The following CCSER1 variants were observed in gnomAD, a reference collection of about 807,000 sequenced individuals.
The protein encoded by CCSER1 is coiled-coil serine rich protein 1.
In CCSER1, 41 loss-of-function variants were observed where a neutral mutation model predicts 82.0. That is an observed-to-expected ratio of 0.50 (90% CI 0.39 to 0.65). CCSER1 has a LOEUF of 0.65. Among genes scored for constraint, CCSER1 ranks in the 30% least tolerant of loss-of-function variants. The probability of loss-of-function intolerance (pLI) is 0.00; values close to 1 mark genes in which losing one functional copy is unlikely to be tolerated. For missense variants in CCSER1, 1,119 were observed against 1,064.2 expected, an observed-to-expected ratio of 1.05 and a Z score of -0.72; for synonymous variants, 414 against 383.9, an observed-to-expected ratio of 1.08 and a Z score of -0.92.
At chr4:90,961,391 A>G (rs1386311877) in intron 9 of CCSER1, among the ~76,000 whole-genome samples, 5 of 152,174 alleles carry the variant, frequency 3.3e-5, no homozygotes, top group Admixed American at 3.3e-4. Context: ...CAACCATTAG[A>G]TCACCTGATC....
chr4:91,326,209 G>T (rs1178994610), intron 10 of CCSER1, among the ~76,000 whole-genome samples: 1 of 152,094 alleles, frequency 6.6e-6, no homozygotes, highest in African/African-American at 2.4e-5. Flanking sequence ...TTGCTATAAA[G>T]AACTACCCGA....
rs1490914354 is a variant in CCSER1, at chr4:91,069,802, G to A, written c.2173-16148G>A. On this transcript the variant is annotated intron_variant, in intron 9 of 10. Coordinates refer to ENST00000509176, the MANE Select transcript of CCSER1 (RefSeq NM_001145065.2). ...ATAACCCTATGACCTTGGGAAGGTTGTGGGGAGAGATCATTAAAAGAAGGG... is the reference window on the plus strand; with the variant it reads ...ATAACCCTATGACCTTGGGAAGGTTATGGGGAGAGATCATTAAAAGAAGGG... Among the ~76,000 whole-genome samples the A allele has an allele frequency of 3.9e-5, 6 of 152,260 alleles. No individual in the cohort carries two copies. The East Asian group carries it at 1.2e-3, about 29-fold the overall frequency.
intron 5 of CCSER1, among the ~76,000 whole-genome samples, chr4:90,573,257 C>T (rs562584888): frequency 2.0e-5 from 3 of 152,338 alleles, no homozygotes; most frequent in South Asian, 2.1e-4. Flanking sequence ...TGCCAGAAGC[C>T]GTGGCCTGTT....
chr4:91,005,883 A>T (rs1464896815), intron 9 of CCSER1, among the ~76,000 whole-genome samples: 1 of 152,124 alleles, frequency 6.6e-6, no homozygotes, highest in African/African-American at 2.4e-5. Flanking sequence ...TTGGCTGTAG[A>T]TGTATGGATT....
intron 5 of CCSER1, among the ~76,000 whole-genome samples, chr4:90,601,911 C>G (rs941330798): frequency 6.6e-6 from 1 of 152,002 alleles, no homozygotes; most frequent in Non-Finnish European, 1.5e-5. Context: ...GGTCAGAGAA[C>G]CTACTTTGTA....
At chr4:91,163,596 T>C (rs969581028) in intron 10 of CCSER1, among the ~76,000 whole-genome samples, 6 of 152,196 alleles carry the variant, frequency 3.9e-5, no homozygotes, top group Non-Finnish European at 5.9e-5. Context: ...AAGGACTTGG[T>C]TTATGAATCT....
chr4:90,193,524 T>C (rs915647239), intron 1 of CCSER1, among the ~76,000 whole-genome samples: 20 of 152,014 alleles, frequency 1.3e-4, no homozygotes, highest in Admixed American at 1.2e-3. Context: ...CTTGGGAAAC[T>C]GTACAATTAT....
At chr4:91,466,225 TC>T (rs1756896801) in intron 10 of CCSER1, among the ~76,000 whole-genome samples, 1 of 151,982 alleles carries the variant, frequency 6.6e-6, no homozygotes, top group African/African-American at 2.4e-5. Context: ...ACGTAATCCA[TC>T]ATATAAACAG....
intron 1 of CCSER1, among the ~76,000 whole-genome samples, chr4:90,156,395 C>T (rs548136004): frequency 3.9e-5 from 6 of 152,152 alleles, no homozygotes; most frequent in South Asian, 2.1e-4. Flanking sequence ...AGGTCCACTT[C>T]GTGCAGAGCT....
At chr4:90,745,039 A>G (rs540444304) in intron 7 of CCSER1, among the ~76,000 whole-genome samples, 2 of 152,104 alleles carry the variant, frequency 1.3e-5, no homozygotes, top group East Asian at 3.9e-4. Context: ...AATGACCACA[A>G]ACTCGGTGGC....
At chr4:91,393,057 G>A (rs1751760186) in intron 10 of CCSER1, among the ~76,000 whole-genome samples, 1 of 151,862 alleles carries the variant, frequency 6.6e-6, no homozygotes, top group Admixed American at 6.6e-5. Flanking sequence ...AATAGATAAT[G>A]GACAATTTTC....
At chr4:90,611,059 C>CTTTTCTTTTTTT (rs1303751301) in intron 5 of CCSER1, among the ~76,000 whole-genome samples, 3 of 93,822 alleles carry the variant, frequency 3.2e-5, no homozygotes, top group Non-Finnish European at 5.6e-5. Flanking sequence ...CTTTTCTTTT[C>CTTTTCTTTTTTT]TTTTTTTTTT....
chr4:90,229,049 AG>A (rs1322546575), intron 1 of CCSER1, among the ~76,000 whole-genome samples: 1 of 152,228 alleles, frequency 6.6e-6, no homozygotes, highest in Non-Finnish European at 1.5e-5. Context: ...AACACTCTGC[AG>A]GATGTCATCC....
chr4:90,384,759 T>C (rs1167572575), intron 3 of CCSER1, among the ~76,000 whole-genome samples: 1 of 152,160 alleles, frequency 6.6e-6, no homozygotes, highest in Non-Finnish European at 1.5e-5. Flanking sequence ...TCAATAGATT[T>C]GGGGGTGCAG....
intron 10 of CCSER1, among the ~76,000 whole-genome samples, chr4:91,234,357 T>G (rs1397205301): frequency 6.6e-6 from 1 of 152,084 alleles, no homozygotes; most frequent in Non-Finnish European, 1.5e-5. Context: ...TTTCCCCTTC[T>G]TATTCCACCA....
intron 9 of CCSER1, among the ~76,000 whole-genome samples, chr4:91,081,496 T>C (rs141058814): frequency 0.2 from 29,786 of 151,814 alleles, 3,817 homozygotes; most frequent in Non-Finnish European, 0.28. Context: ...CCTTTGAAAA[T>C]TGGCACAAAA....
chr4:91,046,893 A>G (rs182812423), intron 9 of CCSER1, among the ~76,000 whole-genome samples: 1 of 151,792 alleles, frequency 6.6e-6, no homozygotes, highest in Admixed American at 6.6e-5. Flanking sequence ...AATTTTTTGT[A>G]TTTTAGTAGA....
At chr4:91,148,620 G>A (rs2148946565) in intron 10 of CCSER1, among the ~76,000 whole-genome samples, 1 of 152,204 alleles carries the variant, frequency 6.6e-6, no homozygotes, top group East Asian at 1.9e-4. Context: ...ATCTCCTGAT[G>A]CTATCCATCC....
At chr4:90,731,905 G>C (rs1744807995) in intron 7 of CCSER1, among the ~76,000 whole-genome samples, 1 of 152,106 alleles carries the variant, frequency 6.6e-6, no homozygotes, top group African/African-American at 2.4e-5. Context: ...GTTTTAAAGT[G>C]GGTACAGTCA....
Sources: allele counts gnomAD v4.1 joint callset (sites outside exome capture counted in the v4.1 genomes callset), GRCh38; gene constraint gnomAD v4.1.1; transcripts MANE v1.5; gene names NCBI Gene and HGNC (gene_info 2026-07-23, HGNC 2026-07-21).